RBM33: variants seen among roughly 807,000 people sequenced by gnomAD.
The protein encoded by RBM33 is RNA binding motif protein 33.
A neutral mutation model predicts 132.6 loss-of-function variants in RBM33; 28 were observed. The ratio of observed to expected loss-of-function variants is 0.21; its 90% CI spans 0.16 to 0.29. The LOEUF (loss-of-function observed/expected upper bound fraction) is 0.29, where lower values mean the gene tolerates loss of function less well. Ranked by LOEUF, RBM33 falls within the 10% of genes least tolerant of loss-of-function variation. RBM33 has a pLI of 1.00. For synonymous variants in RBM33, 634 were observed against 593.0 expected (o/e 1.07, Z -1.01); for missense variants, 1,291 against 1,518.5 (o/e 0.85, Z 2.49).
At chr7:155,684,975 C>T in intron 5 of RBM33, 1 of 1,550,454 alleles carries the variant, frequency 6.4e-7, no homozygotes, top group South Asian at 1.2e-5. Context: ...ACAAGGGCTG[C>T]AAGAGCAGGA....
chr7:155,733,793 C>A (rs959293246), intron 9 of RBM33, among the ~76,000 whole-genome samples: 4 of 152,186 alleles, frequency 2.6e-5, no homozygotes, highest in African/African-American at 9.7e-5. Flanking sequence ...CTAGTACCTT[C>A]CTGTTTTGTC....
chr7:155,666,160 G>A (rs1376161004), intron 2 of RBM33, among the ~76,000 whole-genome samples: 1 of 152,198 alleles, frequency 6.6e-6, no homozygotes, highest in Non-Finnish European at 1.5e-5. Flanking sequence ...ACGTGATTAT[G>A]GAGACTGAGA....
At chr7:155,714,114 CT>C (rs1463000365) in intron 8 of RBM33, among the ~76,000 whole-genome samples, 1 of 152,042 alleles carries the variant, frequency 6.6e-6, no homozygotes, top group African/African-American at 2.4e-5. Context: ...CTGCTGAGCC[CT>C]TGAGGGGTGT....
At chr7:155,651,529 G>A (rs182546303) in intron 1 of RBM33, among the ~76,000 whole-genome samples, 1 of 141,308 alleles carries the variant, frequency 7.1e-6, no homozygotes, top group African/African-American at 2.6e-5. Context: ...GTAGTGAGCC[G>A]AGATCGCACC....
chr7:155,722,868 C>T (rs774889673), intron 9 of RBM33, among the ~76,000 whole-genome samples: 1 of 152,126 alleles, frequency 6.6e-6, no homozygotes, highest in Admixed American at 6.5e-5. Flanking sequence ...TTTGATTTTA[C>T]ATTGGTGTTT....
At position 155,679,169 on chromosome 7, in the gene RBM33, C is replaced by T. The variant is rs555151961; in HGVS notation, c.248+485C>T. On this transcript the variant is annotated intron_variant, in intron 4 of 17. Transcript: ENST00000401878. ...CCTGGGAGACAGAGTGAAACGCCGTCTTAAAAAAAAAAAAACAAAAAACAA... is the reference window on the plus strand; with the variant it reads ...CCTGGGAGACAGAGTGAAACGCCGTTTTAAAAAAAAAAAAACAAAAAACAA... Among the ~76,000 whole-genome samples, 7 of 149,650 alleles carry T rather than the reference C, an allele frequency of 4.7e-5. No individual in the cohort carries two copies. The South Asian group carries it at 1.0e-3, about 22-fold the overall frequency.
intron 5 of RBM33, among the ~76,000 whole-genome samples, chr7:155,685,312 G>A (rs574571076): frequency 1.3e-5 from 2 of 152,098 alleles, no homozygotes; most frequent in Non-Finnish European, 2.9e-5. Flanking sequence ...GAAATGTGAC[G>A]TATATGTTAG....
At chr7:155,674,626 A>T (rs147132703) in intron 3 of RBM33, among the ~76,000 whole-genome samples, 17 of 152,324 alleles carry the variant, frequency 1.1e-4, no homozygotes, top group African/African-American at 3.8e-4. Flanking sequence ...ACTGTTATCA[A>T]TAAAGATGGA....
Position 155,726,767 on chromosome 7 carries a change from G to A in RBM33, c.1260+8324G>A, listed in dbSNP as rs187205973. On this transcript the variant is annotated intron_variant, in intron 9 of 17. Coordinates refer to ENST00000401878, the MANE Select transcript of RBM33 (RefSeq NM_053043.3). Reference sequence around the variant, plus strand: ...TATGAATGTCAGATTTTGGAACCATGATTTATATGGCATTTCTTGGAGATA... The same window carrying A: ...TATGAATGTCAGATTTTGGAACCATAATTTATATGGCATTTCTTGGAGATA... Among the ~76,000 whole-genome samples the A allele has an allele frequency of 4.6e-5, 7 of 152,342 alleles. No homozygotes were observed. In the East Asian group the frequency reaches 1.3e-3, roughly 29 times the overall value.
intron 16 of RBM33, among the ~76,000 whole-genome samples, chr7:155,770,692 A>G (rs1802398483): frequency 6.6e-6 from 1 of 150,572 alleles, no homozygotes; most frequent in Admixed American, 6.6e-5. Context: ...TTGCAGAATC[A>G]GTTGTAATCC....
chr7:155,740,863 C>G (rs1371279999), intron 12 of RBM33, among the ~76,000 whole-genome samples: 3 of 151,978 alleles, frequency 2.0e-5, no homozygotes, highest in Non-Finnish European at 2.9e-5. Context: ...GGGCTCTTGC[C>G]TCCATTAAAT....
intron 14 of RBM33, among the ~76,000 whole-genome samples, chr7:155,756,505 T>TA (rs1322576216): frequency 6.6e-6 from 1 of 152,176 alleles, no homozygotes; most frequent in Non-Finnish European, 1.5e-5. Context: ...GTATATGCAG[T>TA]AAAAGGGAAT....
At chr7:155,701,034 GGTTGACTAGGTAATTGCGGCTGCC>G (rs1354763273) in intron 6 of RBM33, 90 bp downstream of exon 6, 3 of 1,149,924 alleles carry the variant, frequency 2.6e-6, no homozygotes, top group Non-Finnish European at 3.9e-6. Context: ...AGGCAAAGAA[GGTTGACTAGGTAATTGCGGCTGCC>G]GTCCGGAGAG....
rs1315643170 is a variant in RBM33 at position 155,734,842 on chromosome 7, G to T, written c.1261-2688G>T. 2.0e-5 allele frequency among the ~76,000 whole-genome samples: 3 copies of T among 152,168 alleles called. No homozygotes were observed. In the South Asian group the frequency reaches 6.2e-4, roughly 32 times the overall value. ...TGTGATCAGTCAAACCTCTCTGCAAGCAGAGGCAGGCAGTTGTTTCTTTTA... is the reference window on the plus strand; with the variant it reads ...TGTGATCAGTCAAACCTCTCTGCAATCAGAGGCAGGCAGTTGTTTCTTTTA... On this transcript the variant is annotated intron_variant, in intron 9 of 17. Coordinates refer to ENST00000401878, the MANE Select transcript of RBM33 (RefSeq NM_053043.3).
At position 155,739,742 on chromosome 7, in the gene RBM33, C is replaced by G. The variant is rs1801252728; in HGVS notation, c.1765C>G (p.Pro589Ala). 6.5e-7 allele frequency: 1 copy of G among 1,548,070 alleles called. No homozygotes were observed. Among genetic ancestry groups the G allele is most frequent in the African/African-American group, 1.4e-5 (1 of 72,918 alleles). ...GCCGTTGCATCCTCCATTGCCCCCT[C>G]CGCATCAGCCTCAGCCTCAGCAACC... The part of the protein sequence containing the change: ...QGPLHPPLPP[P>A]HQPQPQQPQQ... The change falls in exon 12 of 18, where the codon CCG (proline) becomes GCG (alanine). Residue 589 changes from proline (P) to alanine (A), a missense_variant. Physicochemically the swap from Pro to Ala is conservative, Grantham distance 27. Coordinates refer to ENST00000401878, the MANE Select transcript of RBM33 (RefSeq NM_053043.3).
intron 14 of RBM33, among the ~76,000 whole-genome samples, chr7:155,756,083 G>A (rs1269576462): frequency 6.6e-5 from 10 of 152,114 alleles, no homozygotes; most frequent in African/African-American, 1.4e-4. Context: ...GTTAAAAAGC[G>A]AACACCACCC....
intron 2 of RBM33, among the ~76,000 whole-genome samples, chr7:155,665,711 G>T (rs1188781126): frequency 6.6e-6 from 1 of 152,204 alleles, no homozygotes; most frequent in African/African-American, 2.4e-5. Flanking sequence ...AGGAATGGAT[G>T]AAAATGACCT....
intron 4 of RBM33, among the ~76,000 whole-genome samples, chr7:155,679,569 C>T (rs962972159): frequency 3.3e-5 from 5 of 152,104 alleles, no homozygotes; most frequent in African/African-American, 1.2e-4. Flanking sequence ...TAGACAAGCT[C>T]TTGTTATAAA....
chr7:155,765,705 A>G (rs1290616642), intron 15 of RBM33, among the ~76,000 whole-genome samples: 1 of 152,146 alleles, frequency 6.6e-6, no homozygotes, highest in African/African-American at 2.4e-5. Flanking sequence ...CTGACTTTCT[A>G]ATCTGGAGAA....
Sources: allele counts gnomAD v4.1 joint callset (sites outside exome capture counted in the v4.1 genomes callset), GRCh38; gene constraint gnomAD v4.1.1; transcripts MANE v1.5; gene names NCBI Gene and HGNC (gene_info 2026-07-23, HGNC 2026-07-21).